The following SPATA1 variants were observed in gnomAD, a reference collection of about 807,000 sequenced individuals.
SPATA1 encodes spermatogenesis associated 1, also known as spermatogenesis-associated protein 1.
A neutral mutation model predicts 59.6 loss-of-function variants in SPATA1; 57 were observed. That is an observed-to-expected ratio of 0.96 (90% CI 0.77 to 1.19). The LOEUF (loss-of-function observed/expected upper bound fraction) is 1.19. Ranked by LOEUF, SPATA1 falls within the 50% of genes most tolerant of loss-of-function variation. The pLI, the probability that SPATA1 is intolerant of heterozygous loss-of-function variation, is 0.00. For synonymous variants in SPATA1, 147 were observed against 163.9 expected (o/e 0.90, Z 0.79); for missense variants, 448 against 480.7 (o/e 0.93, Z 0.64).
intron 6 of SPATA1, among the ~76,000 whole-genome samples, chr1:84,528,491 C>A (rs1363771681): frequency 6.6e-6 from 1 of 152,128 alleles, no homozygotes; most frequent in African/African-American, 2.4e-5. Context: ...TTATGTATAT[C>A]ATTTTGGACT....
At chr1:84,532,786 T>TA in intron 6 of SPATA1, 74 bp from the exon 7 acceptor site, 1 of 1,068,768 alleles carries the variant, frequency 9.4e-7, no homozygotes, top group Non-Finnish European at 1.4e-6. Flanking sequence ...TGTACATGTA[T>TA]AAAAACAAAC....
chr1:84,552,903 A>T (rs1570459856), intron 12 of SPATA1: 1 of 614,424 alleles, frequency 1.6e-6, no homozygotes, highest in Non-Finnish European at 2.9e-6. Flanking sequence ...ATCCAGTGGG[A>T]GTTGAAAGCA....
At chr1:84,525,077 A>T (rs1251677190) in intron 4 of SPATA1, among the ~76,000 whole-genome samples, 2 of 152,120 alleles carry the variant, frequency 1.3e-5, no homozygotes, top group Non-Finnish European at 2.9e-5. Flanking sequence ...CCCAGGTTCA[A>T]GCGATTCTCC....
chr1:84,522,454 G>T (rs533042256), exon 4 of SPATA1: 8 of 1,545,072 alleles, frequency 5.2e-6, no homozygotes, highest in Middle Eastern at 1.7e-4. Flanking sequence ...GGGTGAAGAT[G>T]CTATTGCAGA....
chr1:84,557,501 C>T (rs1001066500), downstream of SPATA1, among the ~76,000 whole-genome samples: 4 of 137,798 alleles, frequency 2.9e-5, no homozygotes, highest in African/African-American at 1.1e-4. Flanking sequence ...CCACTGCACT[C>T]CAGCCTGGGC....
chr1:84,536,696 G>A (rs1459699085), intron 8 of SPATA1, among the ~76,000 whole-genome samples: 4 of 151,846 alleles, frequency 2.6e-5, no homozygotes, highest in South Asian at 2.1e-4. Context: ...CGCCCGCCTC[G>A]GCCTCCCAAA....
chr1:84,514,020 T>A (rs1682688631), intron 1 of SPATA1, among the ~76,000 whole-genome samples: 1 of 152,010 alleles, frequency 6.6e-6, no homozygotes, highest in African/African-American at 2.4e-5. Flanking sequence ...TTTTTTTGTA[T>A]TTTTAATAGA....
At chr1:84,506,806 TC>T (rs1682273027) in intron 1 of SPATA1, 1 of 152,320 alleles carries the variant, frequency 6.6e-6, no homozygotes. Context: ...GGGCGCTGAT[TC>T]GCTGGAGAAG....
At chr1:84,566,850 G>T (rs1309907485), downstream of SPATA1, among the ~76,000 whole-genome samples, 1 of 152,074 alleles carries the variant, frequency 6.6e-6, no homozygotes, top group African/African-American at 2.4e-5. Context: ...GCCCAGGCTG[G>T]TCTCAAACTC....
At chr1:84,566,579 T>TA (rs1488025321), downstream of SPATA1, among the ~76,000 whole-genome samples, 3 of 152,192 alleles carry the variant, frequency 2.0e-5, no homozygotes, top group African/African-American at 7.2e-5. Flanking sequence ...AAATGTTGAA[T>TA]AAATCATTTA....
At chr1:84,563,931 G>C in intron 4 of SPATA1, 1 of 1,331,832 alleles carries the variant, frequency 7.5e-7, no homozygotes, top group Non-Finnish European at 9.8e-7. Flanking sequence ...GTAAAAACAA[G>C]TACATTTATA....
At chr1:84,566,065 C>T (rs529821414) in exon 5 of SPATA1, 35 of 1,150,672 alleles carry the variant, frequency 3.0e-5, no homozygotes, top group African/African-American at 1.9e-4. Context: ...GTGCATATTA[C>T]GTCAGATTTT....
intron 6 of SPATA1, among the ~76,000 whole-genome samples, chr1:84,526,923 A>C (rs1216492677): frequency 6.6e-6 from 1 of 151,914 alleles, no homozygotes; most frequent in African/African-American, 2.4e-5. Context: ...TAAAAATTAA[A>C]CTCATAAATA....
At position 84,532,880 on chromosome 1, in the gene SPATA1, G is replaced by GA. The variant is rs1159192656; in HGVS notation, c.571dup (p.Ser191LysfsTer12). 4.5e-6 allele frequency: 7 copies of GA among 1,551,616 alleles called. No individual in the cohort carries two copies. Among genetic ancestry groups the GA allele is most frequent in the Non-Finnish European group, 3.5e-6 (4 of 1,146,924 alleles). On this transcript the variant is annotated frameshift_variant, in exon 7 of 13. Coordinates refer to ENST00000490879, the Ensembl canonical transcript of SPATA1. LOFTEE classifies it high-confidence loss of function. The stretch of plus-strand genomic sequence containing the variant: ...ATCAGCTGGGGGAAAAGCCACTGCA[G>GA]AAAAAAGCCAAATTGCAAAAAATCA...
intron 9 of SPATA1, 39 bp from the exon 10 acceptor site, chr1:84,545,595 C>A: frequency 6.8e-7 from 1 of 1,477,480 alleles, no homozygotes. Flanking sequence ...CATCTTTCAG[C>A]TTTGAGACAT....
At chr1:84,520,714 A>T in intron 3 of SPATA1, 23 bp downstream of exon 3, 2 of 1,386,778 alleles carry the variant, frequency 1.4e-6, no homozygotes, top group Non-Finnish European at 2.0e-6. Flanking sequence ...TAGTCATGTA[A>T]CAATATGCCT....
intron 4 of SPATA1, chr1:84,563,166 C>T (rs1176794734): frequency 2.2e-6 from 2 of 910,156 alleles, no homozygotes; most frequent in South Asian, 3.1e-5. Flanking sequence ...TAAAAGAAAA[C>T]TGATAGAAAT....
chr1:84,558,795 G>T (rs1684527319), downstream of SPATA1, among the ~76,000 whole-genome samples: 1 of 151,964 alleles, frequency 6.6e-6, no homozygotes, highest in African/African-American at 2.4e-5. Context: ...TAGCTACTTG[G>T]TAGGCTGAGG....
intron 4 of SPATA1, among the ~76,000 whole-genome samples, chr1:84,524,081 A>G (rs1429685005): frequency 6.6e-6 from 1 of 151,680 alleles, no homozygotes; most frequent in African/African-American, 2.4e-5. Context: ...TATTCAAAAG[A>G]AAAGGAGATT....
Sources: allele counts gnomAD v4.1 joint callset (sites outside exome capture counted in the v4.1 genomes callset), GRCh38; gene constraint gnomAD v4.1.1; transcripts MANE v1.5; gene names NCBI Gene and HGNC (gene_info 2026-07-23, HGNC 2026-07-21).